BMP3: variants seen among roughly 807,000 people sequenced by gnomAD.
BMP3 encodes bone morphogenetic protein 3.
A neutral mutation model predicts 38.1 loss-of-function variants in BMP3; 23 were observed. The observed-to-expected ratio is 0.60, with a 90% CI of 0.43 to 0.86. BMP3 has a LOEUF of 0.86. Ranked by LOEUF, BMP3 falls within the 40% of genes least tolerant of loss-of-function variation. BMP3 has a pLI of 0.00. For missense variants in BMP3, 628 were observed against 579.6 expected (o/e 1.08, Z -0.86); for synonymous variants, 258 against 225.7 (o/e 1.14, Z -1.28).
In BMP3 at chr4:81,046,434, A is replaced by G; in HGVS notation, c.1013A>G (p.Gln338Arg). ...APEKSKNKKK[Q>R]RKGPHRKSQT... ...GAAAAGAGTAAGAATAAAAAGAAAC[A>G]GAGAAAGGGGCCTCATCGGAAGAGC... Residue 338 changes from glutamine to arginine, a missense_variant, in exon 2 of 3, where the codon CAG becomes CGG. Coordinates refer to ENST00000282701, the MANE Select transcript of BMP3 (RefSeq NM_001201.5). 1.2e-6 allele frequency: 2 copies of G among 1,613,736 alleles called. No homozygotes were observed. Among genetic ancestry groups the G allele is most frequent in the Non-Finnish European group, 1.7e-6 (2 of 1,179,930 alleles).
Position 81,053,358 on chromosome 4 carries a change from C to A in BMP3, c.1241C>A (p.Ser414Ter). ...QFPMPKSLKP[S>*]NHATIQSIVR... Reference sequence around the variant, plus strand: ...TTCTTTCTCTAGTCTTTGAAGCCATCAAATCATGCTACCATCCAGAGTATA... The same window carrying A: ...TTCTTTCTCTAGTCTTTGAAGCCATAAAATCATGCTACCATCCAGAGTATA... Residue 414 changes from serine (S) to a stop codon, truncating the protein, a stop_gained, in exon 3 of 3, where the codon TCA becomes TAA. Coordinates refer to ENST00000282701, the MANE Select transcript of BMP3 (RefSeq NM_001201.5). LOFTEE classifies it high-confidence loss of function. The A allele has an allele frequency of 6.4e-7, 1 of 1,570,086 alleles. No individual in the cohort carries two copies. Among genetic ancestry groups the A allele is most frequent in the South Asian group, 1.2e-5 (1 of 83,286 alleles).
intron 1 of BMP3, among the ~76,000 whole-genome samples, chr4:81,042,927 G>T (rs1360725707): frequency 6.6e-6 from 1 of 152,102 alleles, no homozygotes; most frequent in Non-Finnish European, 1.5e-5. Flanking sequence ...CCATGGCTTT[G>T]TTATAAAGGT....
chr4:81,031,266 G>T lies in BMP3; in HGVS notation c.-19G>T. On this transcript the variant is annotated 5_prime_UTR_variant, in exon 1 of 3. Coordinates refer to ENST00000282701, the MANE Select transcript of BMP3 (RefSeq NM_001201.5). Reference sequence around the variant, plus strand: ...CCGCAGCGACGCCGGGAGCCGACGCGCCGCGCGGGTACCTAGCCATGGCTG... The same window carrying T: ...CCGCAGCGACGCCGGGAGCCGACGCTCCGCGCGGGTACCTAGCCATGGCTG... 6.4e-7 allele frequency: 1 copy of T among 1,567,084 alleles called. No individual in the cohort carries two copies.
intron 1 of BMP3, among the ~76,000 whole-genome samples, chr4:81,036,992 T>A (rs1420390694): frequency 6.6e-6 from 1 of 152,090 alleles, no homozygotes; most frequent in Non-Finnish European, 1.5e-5. Context: ...GATCTATATT[T>A]CTTTAAAAGC....
intron 2 of BMP3, among the ~76,000 whole-genome samples, chr4:81,047,537 T>A (rs1264440931): frequency 3.9e-5 from 3 of 76,988 alleles, no homozygotes; most frequent in Admixed American, 1.9e-4. Flanking sequence ...GCAGTTTATA[T>A]CTCTGTTATA....
chr4:81,036,986 T>C (rs566916573), intron 1 of BMP3, among the ~76,000 whole-genome samples: 64 of 152,180 alleles, frequency 4.2e-4, no homozygotes, highest in African/African-American at 1.4e-3. Context: ...TTCAATGATC[T>C]ATATTTCTTT....
At chr4:81,033,341 A>T (rs1436907469) in intron 1 of BMP3, among the ~76,000 whole-genome samples, 1 of 152,144 alleles carries the variant, frequency 6.6e-6, no homozygotes, top group Non-Finnish European at 1.5e-5. Context: ...CAACTCAGGC[A>T]CCATATTCTT....
rs148171196 is a variant in BMP3 at position 81,031,342 on chromosome 4, G to C, written c.58G>C (p.Ala20Pro). 6.2e-7 allele frequency: 1 copy of C among 1,611,958 alleles called. No individual in the cohort carries two copies. Reference sequence around the variant, plus strand: ...GCTGGGCTGCTTCTGCGTGAGCCTGGCGCAGGGAGAGAGACCGAAGCCACC... The same window carrying C: ...GCTGGGCTGCTTCTGCGTGAGCCTGCCGCAGGGAGAGAGACCGAAGCCACC... ...LWLGCFCVSL[A>P]QGERPKPPFP... is the part of the protein sequence containing the mutation. The change falls in exon 1 of 3, where the codon GCG (alanine) becomes CCG (proline). Residue 20 changes from alanine (A) to proline (P), a missense_variant. Ala to Pro is a conservative substitution (Grantham distance 27). Transcript: ENST00000282701.
chr4:81,049,942 C>T (rs1028023162), intron 2 of BMP3, among the ~76,000 whole-genome samples: 2 of 152,184 alleles, frequency 1.3e-5, no homozygotes, highest in Non-Finnish European at 2.9e-5. Flanking sequence ...GTTGGCCCTC[C>T]TTTCTTTTGG....
intron 2 of BMP3, among the ~76,000 whole-genome samples, chr4:81,052,457 A>G (rs1233699721): frequency 1.3e-5 from 2 of 152,156 alleles, no homozygotes; most frequent in East Asian, 1.9e-4. Context: ...ATAAAACCAC[A>G]TGCTTCACAT....
chr4:81,038,040 T>A (rs1560510653), intron 1 of BMP3, among the ~76,000 whole-genome samples: 1 of 151,966 alleles, frequency 6.6e-6, no homozygotes, highest in East Asian at 1.9e-4. Flanking sequence ...GTCCCTAGAG[T>A]TTTGAGTATT....
chr4:81,056,870 T>C lies in BMP3; in HGVS notation c.*3334T>C, dbSNP rs1740585654. ...AAGAGTCTGATTTATTAAAAATATT[T>C]GTATAATTCATTCAGTTTAGTTTTT... On this transcript the variant is annotated 3_prime_UTR_variant, in exon 3 of 3. Transcript: ENST00000282701. 1 of 152,644 alleles carries C rather than the reference T, an allele frequency of 6.6e-6. No individual in the cohort carries two copies. Among genetic ancestry groups the C allele is most frequent in the Non-Finnish European group, 1.5e-5 (1 of 68,038 alleles). 9.5% of individuals were successfully genotyped at this position (152,644 alleles called of 1,614,324 possible).
rs147669978 is a variant in BMP3 at position 81,043,160 on chromosome 4, C to G, written c.317-2578C>G. ...GATCAAGAACATAATTTCACGATTG[C>G]GTGTGTGTTTCTGAAACAAATATGT... is the stretch of plus-strand genomic sequence containing the variant. On this transcript the variant is annotated intron_variant, in intron 1 of 2. Transcript: ENST00000282701. Among the ~76,000 whole-genome samples the G allele has an allele frequency of 2.0e-5, 3 of 152,276 alleles. No homozygotes were observed. In the East Asian group the frequency reaches 5.8e-4, roughly 29 times the overall value.
rs141577531 is a variant in BMP3 at position 81,041,087 on chromosome 4, C to A, written c.317-4651C>A. ...TGGGGAAGAGAGAGACAATGCAAAT[C>A]TTCTGTTCATAAGTATGGAAAGTTA... is the stretch of plus-strand genomic sequence containing the variant. On this transcript the variant is annotated intron_variant, in intron 1 of 2. Coordinates refer to ENST00000282701, the MANE Select transcript of BMP3 (RefSeq NM_001201.5). Among the ~76,000 whole-genome samples, 3 of 152,238 alleles carry A rather than the reference C, an allele frequency of 2.0e-5. No homozygotes were observed. The East Asian group carries it at 5.8e-4, about 29-fold the overall frequency.
chr4:81,040,136 G>C (rs112171064), intron 1 of BMP3, among the ~76,000 whole-genome samples: 29 of 152,070 alleles, frequency 1.9e-4, no homozygotes, highest in Non-Finnish European at 3.7e-4. Context: ...TAAAACTCTA[G>C]AAAATTCAAA....
intron 1 of BMP3, among the ~76,000 whole-genome samples, chr4:81,035,857 C>T (rs1480916450): frequency 6.6e-6 from 1 of 151,892 alleles, no homozygotes; most frequent in Non-Finnish European, 1.5e-5. Context: ...CCATAAAAGG[C>T]GAATACTTTC....
At position 81,046,484 on chromosome 4, in the gene BMP3, A is replaced by C. The variant is rs1388499344; in HGVS notation, c.1063A>C (p.Thr355Pro). Residue 355 changes from threonine (T) to proline (P), a missense_variant, in exon 2 of 3, where the codon ACC becomes CCC. Physicochemically the swap from Thr to Pro is conservative, Grantham distance 38. Coordinates refer to ENST00000282701, the MANE Select transcript of BMP3 (RefSeq NM_001201.5). ...KSQTLQFDEQ[T>P]LKKARRKQWI... ...CCAGACGCTCCAATTTGATGAGCAG[A>C]CCCTGAAAAAGGCAAGGAGAAAGCA... 1.9e-6 allele frequency: 3 copies of C among 1,613,938 alleles called. No individual in the cohort carries two copies.
intron 1 of BMP3, among the ~76,000 whole-genome samples, chr4:81,043,431 A>C (rs546083766): frequency 6.6e-6 from 1 of 152,232 alleles, no homozygotes; most frequent in Admixed American, 6.5e-5. Context: ...TTAACTCTTA[A>C]ATTTATGGAA....
chr4:81,040,581 C>T (rs1740042837), intron 1 of BMP3, among the ~76,000 whole-genome samples: 1 of 152,198 alleles, frequency 6.6e-6, no homozygotes, highest in South Asian at 2.1e-4. Context: ...AAATAATTCT[C>T]ATATCATTGC....
Sources: gnomAD v4.1 joint callset for allele counts (sites outside exome capture counted in the v4.1 genomes callset) on GRCh38, gnomAD v4.1.1 for gene constraint, MANE v1.5 for transcripts, NCBI Gene and HGNC (gene_info 2026-07-23, HGNC 2026-07-21) for gene names.